CNTN5: variants seen among roughly 807,000 people sequenced by gnomAD.
CNTN5 encodes the protein contactin 5, also known as contactin-5.
A neutral mutation model predicts 129.1 loss-of-function variants in CNTN5; 77 were observed. The ratio of observed to expected loss-of-function variants is 0.60; its 90% CI spans 0.50 to 0.72. The LOEUF is 0.72. Ranked by LOEUF, CNTN5 falls within the 30% of genes least tolerant of loss-of-function variation. The pLI is 0.00. For synonymous variants in CNTN5, 509 were observed against 465.6 expected, an observed-to-expected ratio of 1.09 and a Z score of -1.20; for missense variants, 1,478 against 1,328.8, an observed-to-expected ratio of 1.11 and a Z score of -1.75.
chr11:99,484,861 CTT>C (rs1945747786), intron 2 of CNTN5, among the ~76,000 whole-genome samples: 1 of 152,058 alleles, frequency 6.6e-6, no homozygotes, highest in African/African-American at 2.4e-5. Context: ...CAACAAAACA[CTT>C]TATCTCATAG....
intron 3 of CNTN5, among the ~76,000 whole-genome samples, chr11:99,814,658 A>C (rs1050858936): frequency 8.5e-5 from 13 of 152,148 alleles, no homozygotes; most frequent in Non-Finnish European, 1.0e-4. Context: ...TATGAACTTT[A>C]ACCTGGAAAT....
chr11:100,154,126 C>A (rs781688812), intron 13 of CNTN5, among the ~76,000 whole-genome samples: 4 of 152,028 alleles, frequency 2.6e-5, no homozygotes, highest in South Asian at 2.1e-4. Context: ...CCCGAACAAG[C>A]CCCTGTGTGT....
chr11:99,516,107 T>A (rs1253417200), intron 2 of CNTN5, among the ~76,000 whole-genome samples: 1 of 145,628 alleles, frequency 6.9e-6, no homozygotes, highest in East Asian at 2.0e-4. Flanking sequence ...ATACCATAAG[T>A]AACAGAATAA....
intron 3 of CNTN5, among the ~76,000 whole-genome samples, chr11:99,596,652 C>T (rs528401426): frequency 1.3e-4 from 20 of 152,244 alleles, no homozygotes; most frequent in African/African-American, 4.3e-4. Context: ...ATTACATAAA[C>T]ATGTGGGAGG....
intron 3 of CNTN5, among the ~76,000 whole-genome samples, chr11:99,665,955 T>TTTTTG (rs543059367): frequency 2.2e-3 from 331 of 151,992 alleles, no homozygotes; most frequent in African/African-American, 7.3e-3. Flanking sequence ...TTAACTGTTT[T>TTTTTG]TTTTTGTTTT....
chr11:99,955,979 T>C lies in CNTN5; in HGVS notation c.674-827T>C, dbSNP rs570099540. Among the ~76,000 whole-genome samples the C allele has an allele frequency of 9.5e-4, 144 of 152,330 alleles. 5 individuals are homozygous for C. In the South Asian group the frequency reaches 0.029, roughly 31 times the overall value. ...CCTGAAAATATTTAAGTATCCATTATTCCTTCAGACTTGTTTTATATCCTC... is the reference window on the plus strand; with the variant it reads ...CCTGAAAATATTTAAGTATCCATTACTCCTTCAGACTTGTTTTATATCCTC... On this transcript the variant is annotated intron_variant, in intron 7 of 24. Coordinates refer to ENST00000524871, the MANE Select transcript of CNTN5 (RefSeq NM_014361.4).
At chr11:100,226,981 T>C (rs1265075603) in intron 16 of CNTN5, among the ~76,000 whole-genome samples, 1 of 152,092 alleles carries the variant, frequency 6.6e-6, no homozygotes, top group African/African-American at 2.4e-5. Context: ...GCTTTTCTGA[T>C]GATGGCTACA....
chr11:99,735,046 G>T (rs1276904367), intron 3 of CNTN5, among the ~76,000 whole-genome samples: 1 of 152,114 alleles, frequency 6.6e-6, no homozygotes, highest in Non-Finnish European at 1.5e-5. Context: ...AACCCACTGT[G>T]TTATAATAGA....
At chr11:99,030,296 A>C (rs1191593262) in intron 1 of CNTN5, among the ~76,000 whole-genome samples, 1 of 152,086 alleles carries the variant, frequency 6.6e-6, no homozygotes, top group Non-Finnish European at 1.5e-5. Context: ...TTATCCTTAG[A>C]CTTTTTAAGG....
Position 100,340,696 on chromosome 11 carries a change from C to G in CNTN5, c.2917+47C>G, listed in dbSNP as rs78354969. 14 of 1,495,742 alleles carry G rather than the reference C, an allele frequency of 9.4e-6. No individual in the cohort carries two copies. The African/African-American group carries it at 1.4e-4, about 15-fold the overall frequency. The allele number at this position is 1,495,742 out of a possible 1,614,324, so 92.7% of individuals were successfully genotyped here. ...TTTGTTTCAGACAAAGGGGAAACAT[C>G]GTATAACATTTCTCAAAGCCACGTG... is the stretch of plus-strand genomic sequence containing the variant. On this transcript the variant is annotated intron_variant, in intron 22 of 24. Transcript: ENST00000524871.
At chr11:99,370,149 A>G (rs1015430081) in intron 2 of CNTN5, among the ~76,000 whole-genome samples, 1 of 152,208 alleles carries the variant, frequency 6.6e-6, no homozygotes, top group Non-Finnish European at 1.5e-5. Flanking sequence ...CAAAAGATGT[A>G]GCAAAATGAA....
chr11:100,174,694 T>A (rs1247324128), intron 13 of CNTN5, among the ~76,000 whole-genome samples: 13 of 152,086 alleles, frequency 8.5e-5, no homozygotes, highest in Admixed American at 8.5e-4. Context: ...CCTTCTGATA[T>A]CCAGCTGACA....
chr11:100,296,875 A>G (rs1256545519), intron 18 of CNTN5, among the ~76,000 whole-genome samples: 1 of 151,692 alleles, frequency 6.6e-6, no homozygotes, highest in South Asian at 2.1e-4. Flanking sequence ...ACTGAAGTGT[A>G]AAATTGTTAA....
intron 2 of CNTN5, among the ~76,000 whole-genome samples, chr11:99,465,512 G>A (rs894331195): frequency 6.6e-5 from 10 of 151,794 alleles, no homozygotes; most frequent in Non-Finnish European, 1.3e-4. Flanking sequence ...CTAGAATTTA[G>A]ACAATATGTG....
chr11:99,150,165 G>C (rs1049030244), intron 1 of CNTN5, among the ~76,000 whole-genome samples: 1 of 151,980 alleles, frequency 6.6e-6, no homozygotes, highest in Non-Finnish European at 1.5e-5. Flanking sequence ...ATTTTAGGAA[G>C]TACAACAAAG....
chr11:99,266,130 T>C (rs1321476745), intron 1 of CNTN5, among the ~76,000 whole-genome samples: 1 of 152,068 alleles, frequency 6.6e-6, no homozygotes, highest in East Asian at 1.9e-4. Flanking sequence ...AAATCAATAA[T>C]ATAGCCCACT....
At chr11:99,863,197 C>T (rs978630548) in intron 6 of CNTN5, among the ~76,000 whole-genome samples, 5 of 152,090 alleles carry the variant, frequency 3.3e-5, no homozygotes, top group East Asian at 3.9e-4. Context: ...CTCTTTCTTC[C>T]GTCAAACTGG....
At chr11:99,891,980 T>C (rs1328551655) in intron 6 of CNTN5, among the ~76,000 whole-genome samples, 1 of 152,180 alleles carries the variant, frequency 6.6e-6, no homozygotes, top group Admixed American at 6.5e-5. Flanking sequence ...CTCCACATCC[T>C]CTCCAGCATC....
At chr11:99,972,085 TAAAA>T (rs71050038) in intron 8 of CNTN5, among the ~76,000 whole-genome samples, 24,638 of 91,986 alleles carry the variant, frequency 0.27, 2,987 homozygotes, top group Non-Finnish European at 0.31. Context: ...TTATCTCTAT[TAAAA>T]AAAAAAAAAA....
Sources: gnomAD v4.1 joint callset for allele counts (sites outside exome capture counted in the v4.1 genomes callset) on GRCh38, gnomAD v4.1.1 for gene constraint, MANE v1.5 for transcripts, NCBI Gene and HGNC (gene_info 2026-07-23, HGNC 2026-07-21) for gene names.